Variants in HERC1 observed in about 807,000 individuals in gnomAD.
HERC1 encodes the protein HECT and RLD domain containing E3 ubiquitin protein ligase family member 1, also known as probable E3 ubiquitin-protein ligase HERC1.
In HERC1, 160 loss-of-function variants were observed where a neutral mutation model predicts 554.3. The ratio of observed to expected loss-of-function variants is 0.29; its 90% confidence interval spans 0.25 to 0.33. HERC1 has a LOEUF of 0.33. Ranked by LOEUF, HERC1 falls within the 10% of genes least tolerant of loss-of-function variation. The pLI is 1.00. For synonymous variants in HERC1, 2,175 were observed against 2,131.7 expected (o/e 1.02, Z -0.56); for missense variants, 4,919 against 5,918.5 (o/e 0.83, Z 5.54).
chr15:63,665,998 T>C lies in HERC1; in HGVS notation c.8476A>G (p.Asn2826Asp), dbSNP rs760081703. The C allele has an allele frequency of 1.9e-6, 3 of 1,614,028 alleles. No homozygotes were observed. Among genetic ancestry groups the C allele is most frequent in the East Asian group, 4.5e-5 (2 of 44,886 alleles). ...AAVLGSGGKS[N>D]DPCYLQSPGD... ...GGTGACTGCAAATAACAGGGATCAT[T>C]TGACTTCCCGCCACTGCCTAGAACG... is the stretch of plus-strand genomic sequence containing the variant. The change falls in exon 42 of 78, where the codon AAT becomes GAT. Residue 2826 changes from asparagine (N) to aspartate (D), a missense_variant. Asn to Asp is a conservative substitution (Grantham distance 23, BLOSUM62 1). Transcript: ENST00000443617.
chr15:63,671,059 C>A (rs908816793), intron 39 of HERC1, among the ~76,000 whole-genome samples: 1 of 151,806 alleles, frequency 6.6e-6, no homozygotes, highest in African/African-American at 2.4e-5. Context: ...AAAAGTTAGC[C>A]GGGAGTGGTA....
In HERC1 at chr15:63,664,559, G is replaced by T; in HGVS notation, c.8591C>A (p.Ser2864Tyr). 6.2e-7 allele frequency: 1 copy of T among 1,613,706 alleles called. No homozygotes were observed. Among genetic ancestry groups the T allele is most frequent in the Non-Finnish European group, 8.5e-7 (1 of 1,179,688 alleles). The change falls in exon 43 of 78, where the codon TCT becomes TAT. Residue 2864 changes from serine (S) to tyrosine (Y), a missense_variant. Coordinates refer to ENST00000443617, the MANE Select transcript of HERC1 (RefSeq NM_003922.4). The part of the protein sequence containing the change: ...DNLDHTENAA[S>Y]GSGPSARGRS... Reference sequence around the variant, plus strand: ...ACCTCTAGCTGATGGTCCACTTCCAGAAGCTGCATTCTCTGTATGATCCAA... The same window carrying T: ...ACCTCTAGCTGATGGTCCACTTCCATAAGCTGCATTCTCTGTATGATCCAA...
In HERC1 at chr15:63,656,362, C is replaced by A. The variant is rs370728248; in HGVS notation, c.9600-4G>T. On this transcript the variant is annotated splice_polypyrimidine_tract_variant and splice_region_variant and intron_variant, in intron 48 of 77. Coordinates refer to ENST00000443617, the MANE Select transcript of HERC1 (RefSeq NM_003922.4). ...AGCCAGGCTACAACTGGAACCACTG[C>A]CAGTAAAGAAAAACATCTCAGATGG... 4.5e-5 allele frequency: 72 copies of A among 1,602,084 alleles called. No individual in the cohort carries two copies. The African/African-American group carries it at 8.4e-4, about 19-fold the overall frequency.
intron 14 of HERC1, among the ~76,000 whole-genome samples, chr15:63,730,930 C>T (rs1482828601): frequency 1.3e-5 from 2 of 152,108 alleles, no homozygotes; most frequent in South Asian, 4.1e-4. Context: ...GTTAAAAGCA[C>T]CATTTAAACA....
chr15:63,707,639 C>T (rs1170328620), intron 24 of HERC1, among the ~76,000 whole-genome samples: 5 of 152,036 alleles, frequency 3.3e-5, no homozygotes, highest in Admixed American at 2.0e-4. Context: ...CCGGAAGTGA[C>T]AAAACAAGGC....
At chr15:63,639,972 C>T (rs988763494) in intron 61 of HERC1, among the ~76,000 whole-genome samples, 180 bp downstream of exon 61, 16 of 148,064 alleles carry the variant, frequency 1.1e-4, no homozygotes, top group African/African-American at 3.9e-4. Flanking sequence ...CAATTCCTGT[C>T]ACTATGGAGG....
chr15:63,747,954 G>T, intron 10 of HERC1, 96 bp from the exon 11 acceptor site: 1 of 1,220,518 alleles, frequency 8.2e-7, no homozygotes, highest in Non-Finnish European at 1.1e-6. Context: ...GGCTGGGCAC[G>T]GTGGCTCATG....
At chr15:63,667,536 T>C (rs75641301) in intron 40 of HERC1, among the ~76,000 whole-genome samples, 4,654 of 152,076 alleles carry the variant, frequency 0.031, 229 homozygotes, top group African/African-American at 0.11. Context: ...TTAGAAGATA[T>C]AGCTATAAAA....
chr15:63,734,463 CCA>C lies in HERC1; in HGVS notation c.2646+259_2646+260del, dbSNP rs144821959. Among the ~76,000 whole-genome samples the C allele has an allele frequency of 0.013, 1,942 of 152,244 alleles. 22 individuals are homozygous for C. The highest frequency in any genetic ancestry group is 0.023 in the East Asian group (117 of 5,186). On this transcript the variant is annotated intron_variant, in intron 13 of 77. Coordinates refer to ENST00000443617, the MANE Select transcript of HERC1 (RefSeq NM_003922.4). The surrounding 1 kb of genome is among the most constrained non-coding windows in gnomAD (Gnocchi z 4.6). ...TTCAACTCAGCATACTACAAATAAACCACAGAGTGTCTGGCTTAGTACCATAA... is the reference window on the plus strand; with the variant it reads ...TTCAACTCAGCATACTACAAATAAACCAGAGTGTCTGGCTTAGTACCATAA...
rs181225906 is a variant in HERC1, at chr15:63,803,863, C to T, written c.-26-28214G>A. Among the ~76,000 whole-genome samples, 186 of 152,240 alleles carry T rather than the reference C, an allele frequency of 1.2e-3. 1 individual carries two copies. Among genetic ancestry groups the T allele is most frequent in the Non-Finnish European group, 8.7e-4 (59 of 68,002 alleles). ...AGATGTACATTATCTGACTTTTAAG[C>T]TTATTATTAATATAAAACTAGTAAC... On this transcript the variant is annotated intron_variant, in intron 1 of 77. Transcript: ENST00000443617.
chr15:63,668,531 T>A lies in HERC1; in HGVS notation c.8206+1007A>T, dbSNP rs138791841. On this transcript the variant is annotated intron_variant, in intron 40 of 77. Transcript: ENST00000443617. ...AAAGCAAGACCTAACTACTACAACATGCTGCCTTTACCCATTTTAAATATA... is the reference window on the plus strand; with the variant it reads ...AAAGCAAGACCTAACTACTACAACAAGCTGCCTTTACCCATTTTAAATATA... 8.3e-3 allele frequency among the ~76,000 whole-genome samples: 1,263 copies of A among 152,240 alleles called. 24 individuals carry two copies. The highest frequency in any genetic ancestry group is 0.029 in the African/African-American group (1,211 of 41,528).
intron 36 of HERC1, among the ~76,000 whole-genome samples, chr15:63,679,023 T>G (rs2071342396): frequency 1.3e-5 from 2 of 152,242 alleles, no homozygotes; most frequent in Non-Finnish European, 2.9e-5. Flanking sequence ...TTAAAAAAGG[T>G]TAACTGCTAT....
intron 24 of HERC1, among the ~76,000 whole-genome samples, chr15:63,709,767 A>C (rs1191606843): frequency 6.6e-6 from 1 of 152,252 alleles, no homozygotes; most frequent in African/African-American, 2.4e-5. Flanking sequence ...TAGGAAAAAT[A>C]AAAACCAAAA....
Position 63,616,468 on chromosome 15 carries a change from T to G in HERC1, c.13903A>C (p.Ile4635Leu). ...YVQTLNSILH[I>L]EDSGITEESF... ...TCCTCGGTAATCCCACTGTCTTCAA[T>G]GTGAAGAATGCTGTTGAGAGTCTGC... The change falls in exon 75 of 78, where the codon ATT (isoleucine) becomes CTT (leucine). Residue 4635 changes from isoleucine to leucine, a missense_variant. Physicochemically the swap from Ile to Leu is conservative, Grantham distance 5. Coordinates refer to ENST00000443617, the MANE Select transcript of HERC1 (RefSeq NM_003922.4). 6.2e-7 allele frequency: 1 copy of G among 1,613,950 alleles called. No individual in the cohort carries two copies.
At chr15:63,823,326 T>C (rs913303524) in intron 1 of HERC1, among the ~76,000 whole-genome samples, 2 of 152,218 alleles carry the variant, frequency 1.3e-5, no homozygotes, top group Non-Finnish European at 2.9e-5. Flanking sequence ...GGCATATAGA[T>C]AGTATTTAAA....
intron 1 of HERC1, among the ~76,000 whole-genome samples, chr15:63,824,711 T>C (rs145138918): frequency 6.6e-6 from 1 of 152,140 alleles, no homozygotes; most frequent in East Asian, 1.9e-4. Flanking sequence ...TGTCAGTGGA[T>C]GGCTCTATAA....
chr15:63,829,385 G>A (rs2078049146), intron 1 of HERC1, among the ~76,000 whole-genome samples: 3 of 150,696 alleles, frequency 2.0e-5, no homozygotes, highest in Admixed American at 6.6e-5. Context: ...ATCACGCCAC[G>A]GCACTGCAGC....
Position 63,718,511 on chromosome 15 carries a change from A to G in HERC1, c.3978+63T>C. 1.3e-6 allele frequency: 2 copies of G among 1,483,724 alleles called. No individual in the cohort carries two copies. Among genetic ancestry groups the G allele is most frequent in the Admixed American group, 2.3e-5 (1 of 42,818 alleles). The allele number at this position is 1,483,724 out of a possible 1,614,324, so 91.9% of individuals were successfully genotyped here. A position where few individuals can be genotyped will look rare whatever the true frequency, so the allele number is the denominator to read the frequency against. ...GGCACATTTTTTTCTCACATAAACC[A>G]ATTTAGAGCTAGCTCTCACAGCTTG... On this transcript the variant is annotated intron_variant, in intron 21 of 77. Transcript: ENST00000443617. The surrounding 1 kb of genome is among the most constrained non-coding windows in gnomAD (Gnocchi z 4.2).
chr15:63,720,554 T>C (rs1215456025), intron 19 of HERC1, among the ~76,000 whole-genome samples: 1 of 152,210 alleles, frequency 6.6e-6, no homozygotes, highest in Non-Finnish European at 1.5e-5. Context: ...ATATGCTGGT[T>C]TTCATTTCAG....
Sources: gnomAD v4.1 joint callset for allele counts (sites outside exome capture counted in the v4.1 genomes callset) on GRCh38, gnomAD v4.1.1 for gene constraint, Gnocchi (gnomAD v3.1) non-coding constraint, MANE v1.5 for transcripts, NCBI Gene and HGNC (gene_info 2026-07-23, HGNC 2026-07-21) for gene names.